The following NAA30 variants were observed in gnomAD, a reference collection of about 807,000 sequenced individuals.
The protein encoded by NAA30 is N-alpha-acetyltransferase 30.
Under a neutral mutation model 31.4 loss-of-function variants are expected in NAA30, and 5 were observed. That is an observed-to-expected ratio of 0.16 (90% CI 0.08 to 0.33). The LOEUF (loss-of-function observed/expected upper bound fraction) is 0.33. Among genes scored for constraint, NAA30 ranks in the 10% least tolerant of loss-of-function variants. The pLI, the probability that NAA30 is intolerant of heterozygous loss-of-function variation, is 1.00. For synonymous variants in NAA30, 222 were observed against 207.1 expected (o/e 1.07, Z -0.62); for missense variants, 428 against 490.8 (o/e 0.87, Z 1.21).
Position 57,396,214 on chromosome 14 carries a change from A to G in NAA30, c.772-538A>G, listed in dbSNP as rs188121193. 3.8e-3 allele frequency among the ~76,000 whole-genome samples: 585 copies of G among 152,268 alleles called. 4 individuals carry two copies. Among genetic ancestry groups the G allele is most frequent in the African/African-American group, 0.013 (550 of 41,558 alleles). ...GATCTCAAACCCCTGAGCTCAAGCA[A>G]TCTGCCTGCGCCTGCCTCCCAAAGT... On this transcript the variant is annotated intron_variant, in intron 2 of 4. Coordinates refer to ENST00000556492, the MANE Select transcript of NAA30 (RefSeq NM_001011713.3).
intron 4 of NAA30, among the ~76,000 whole-genome samples, chr14:57,407,931 A>G (rs1381145109): frequency 6.6e-6 from 1 of 152,120 alleles, no homozygotes; most frequent in Admixed American, 6.5e-5. Context: ...CAGTGCTTGG[A>G]TGCATATAGG....
intron 4 of NAA30, among the ~76,000 whole-genome samples, chr14:57,405,358 T>G (rs1444724466): frequency 6.6e-6 from 1 of 151,708 alleles, no homozygotes; most frequent in East Asian, 1.9e-4. Context: ...AAGGTTACTT[T>G]TTATCTTTTT....
intron 4 of NAA30, among the ~76,000 whole-genome samples, chr14:57,404,125 G>A (rs2066489109): frequency 6.6e-6 from 1 of 152,130 alleles, no homozygotes; most frequent in African/African-American, 2.4e-5. Flanking sequence ...TTCGAGACCA[G>A]CCTGGCCAAT....
intron 4 of NAA30, among the ~76,000 whole-genome samples, chr14:57,401,289 T>C (rs955530295): frequency 7.9e-5 from 12 of 152,314 alleles, no homozygotes; most frequent in East Asian, 1.9e-4. Context: ...AAGTGGTGGT[T>C]ATATGAGAAG....
chr14:57,409,715 T>C lies in NAA30; in HGVS notation c.*199T>C, dbSNP rs967787778. 4 of 447,234 alleles carry C rather than the reference T, an allele frequency of 8.9e-6. No homozygotes were observed. Among genetic ancestry groups the C allele is most frequent in the African/African-American group, 8.1e-5 (4 of 49,320 alleles). 27.7% of individuals were successfully genotyped at this position (447,234 alleles called of 1,614,324 possible). A position where few individuals can be genotyped will look rare whatever the true frequency, so the allele number is the denominator to read the frequency against. On this transcript the variant is annotated 3_prime_UTR_variant, in exon 5 of 5. Coordinates refer to ENST00000556492, the MANE Select transcript of NAA30 (RefSeq NM_001011713.3). ...TCTGAATTAAAAGATTGTTTTAAAC[T>C]TCAGGAGTTCTTTTGGTACCAACAA...
At chr14:57,407,723 G>T (rs1163615913) in intron 4 of NAA30, among the ~76,000 whole-genome samples, 2 of 152,152 alleles carry the variant, frequency 1.3e-5, no homozygotes, top group African/African-American at 2.4e-5. Context: ...TTCTCTTGAG[G>T]ACAAGAGGGA....
rs1386637071 is a variant in NAA30 at position 57,413,532 on chromosome 14, C to T, written c.*4016C>T. The T allele has an allele frequency of 6.6e-6, 1 of 152,470 alleles. No individual in the cohort carries two copies. The highest frequency in any genetic ancestry group is 2.4e-5 in the African/African-American group (1 of 41,454). The allele number at this position is 152,470 out of a possible 1,614,324, so 9.4% of individuals were successfully genotyped here. On this transcript the variant is annotated 3_prime_UTR_variant, in exon 5 of 5. Coordinates refer to ENST00000556492, the MANE Select transcript of NAA30 (RefSeq NM_001011713.3). ...TTTGAGACAGAGTCTCACTCTGTTG[C>T]CCAGGCTGGAGTGCGGTGGCACAAT...
At position 57,391,370 on chromosome 14, in the gene NAA30, C is replaced by T. The variant is rs536219501; in HGVS notation, c.413C>T (p.Pro138Leu). 5.0e-5 allele frequency: 80 copies of T among 1,611,012 alleles called. No homozygotes were observed. The South Asian group carries it at 7.1e-4, about 14-fold the overall frequency. ...KGAGVHSGER[P>L]PHSLSSNART... ...GCCGGGGTACACTCGGGCGAGAGGC[C>T]CCCTCACTCCCTCTCTAGTAATGCA... Residue 138 changes from proline (P) to leucine (L), a missense_variant, in exon 2 of 5, where the codon CCC becomes CTC. Transcript: ENST00000556492. This position sits in a 1 kb window ranked among gnomAD's most constrained non-coding sequence, Gnocchi z 4.1.
chr14:57,411,807 T>C lies in NAA30; in HGVS notation c.*2291T>C, dbSNP rs892826325. The C allele has an allele frequency of 7.2e-5, 11 of 152,192 alleles. No homozygotes were observed. Among genetic ancestry groups the C allele is most frequent in the African/African-American group, 2.7e-4 (11 of 41,462 alleles). 9.4% of individuals were successfully genotyped at this position (152,192 alleles called of 1,614,324 possible). ...TAGCATGAAAACCCAGCACCAACACTGAAAGACTCCATTCAGGTTGAAGTA... is the reference window on the plus strand; with the variant it reads ...TAGCATGAAAACCCAGCACCAACACCGAAAGACTCCATTCAGGTTGAAGTA... On this transcript the variant is annotated 3_prime_UTR_variant, in exon 5 of 5. Coordinates refer to ENST00000556492, the MANE Select transcript of NAA30 (RefSeq NM_001011713.3).
In NAA30 at chr14:57,411,921, G is replaced by A. The variant is rs2066525029; in HGVS notation, c.*2405G>A. 1 of 152,056 alleles carries A rather than the reference G, an allele frequency of 6.6e-6. No individual in the cohort carries two copies. Among genetic ancestry groups the A allele is most frequent in the African/African-American group, 2.4e-5 (1 of 41,408 alleles). The allele number at this position is 152,056 out of a possible 1,614,324, so 9.4% of individuals were successfully genotyped here. A position where few individuals can be genotyped will look rare whatever the true frequency, so the allele number is the denominator to read the frequency against. ...ATTCTATCTGAAATTGGTAGCATGG[G>A]TTCACTTGGCTACAACTGAGCAAAA... On this transcript the variant is annotated 3_prime_UTR_variant, in exon 5 of 5. Coordinates refer to ENST00000556492, the MANE Select transcript of NAA30 (RefSeq NM_001011713.3).
At chr14:57,399,537 G>T (rs922590718) in intron 3 of NAA30, among the ~76,000 whole-genome samples, 1 of 152,118 alleles carries the variant, frequency 6.6e-6, no homozygotes, top group African/African-American at 2.4e-5. Flanking sequence ...CTTTCCTACT[G>T]CTTTCAAACA....
rs185674521 is a variant in NAA30, at chr14:57,391,742, A to C, written c.771+14A>C. ...CTGTGCTTCTTGGTAAGTGGATAGAATAAAAAGAGGGTGAACCCAGCAGTG... is the reference window on the plus strand; with the variant it reads ...CTGTGCTTCTTGGTAAGTGGATAGACTAAAAAGAGGGTGAACCCAGCAGTG... On this transcript the variant is annotated intron_variant, in intron 2 of 4. Coordinates refer to ENST00000556492, the MANE Select transcript of NAA30 (RefSeq NM_001011713.3). This position sits in a 1 kb window ranked among gnomAD's most constrained non-coding sequence, Gnocchi z 4.1. 92 of 1,584,190 alleles carry C rather than the reference A, an allele frequency of 5.8e-5. No individual in the cohort carries two copies. In the African/African-American group the frequency reaches 1.2e-3, roughly 20 times the overall value.
In NAA30 at chr14:57,391,664, C is replaced by T. The variant is rs142316713; in HGVS notation, c.707C>T (p.Ser236Phe). The change falls in exon 2 of 5, where the codon TCC (serine) becomes TTC (phenylalanine). Residue 236 changes from serine (S) to phenylalanine (F), a missense_variant. By Grantham distance (155) the Ser-to-Phe change is radical. Transcript: ENST00000556492. This position sits in a 1 kb window ranked among gnomAD's most constrained non-coding sequence, Gnocchi z 4.1. ...ATGAGACTGATCACCAAAGATCTGT[C>T]CGAACCCTACTCCATTTATACCTAT... ...DIMRLITKDL[S>F]EPYSIYTYRY... is the part of the protein sequence containing the mutation. 1 of 1,614,180 alleles carries T rather than the reference C, an allele frequency of 6.2e-7. No homozygotes were observed. Among genetic ancestry groups the T allele is most frequent in the Non-Finnish European group, 8.5e-7 (1 of 1,180,010 alleles).
chr14:57,391,793 G>A lies in NAA30; in HGVS notation c.771+65G>A. The A allele has an allele frequency of 4.5e-6, 6 of 1,348,090 alleles. No individual in the cohort carries two copies. The South Asian group carries it at 8.2e-5, about 18-fold the overall frequency. 83.5% of individuals were successfully genotyped at this position (1,348,090 alleles called of 1,614,324 possible). On this transcript the variant is annotated intron_variant, in intron 2 of 4. Transcript: ENST00000556492. This position sits in a 1 kb window ranked among gnomAD's most constrained non-coding sequence, Gnocchi z 4.1. Reference sequence around the variant, plus strand: ...ATCGAGACTGTGCGGGGCAGGGAGTGAGGGCCCAGAATGTGGCAGTGGATA... The same window carrying A: ...ATCGAGACTGTGCGGGGCAGGGAGTAAGGGCCCAGAATGTGGCAGTGGATA...
intron 4 of NAA30, among the ~76,000 whole-genome samples, chr14:57,408,523 C>G (rs1357994223): frequency 6.6e-6 from 1 of 152,148 alleles, no homozygotes; most frequent in Non-Finnish European, 1.5e-5. Flanking sequence ...AATGTGGTCC[C>G]TTGACCGCAG....
At position 57,415,275 on chromosome 14, in the gene NAA30, T is replaced by A. The variant is rs1435890752; in HGVS notation, c.*5759T>A. 5 of 152,212 alleles carry A rather than the reference T, an allele frequency of 3.3e-5. No homozygotes were observed. The highest frequency in any genetic ancestry group is 7.3e-5 in the Non-Finnish European group (5 of 68,030). The allele number at this position is 152,212 out of a possible 1,614,324, so 9.4% of individuals were successfully genotyped here. On this transcript the variant is annotated 3_prime_UTR_variant, in exon 5 of 5. Transcript: ENST00000556492. ...GGTCTCCTTGACCGAGGGATTTTAGTATAAGTATTTAGTGAGATTTGTATT... is the reference window on the plus strand; with the variant it reads ...GGTCTCCTTGACCGAGGGATTTTAGAATAAGTATTTAGTGAGATTTGTATT...
At position 57,391,749 on chromosome 14, in the gene NAA30, G is replaced by C; in HGVS notation, c.771+21G>C. The C allele has an allele frequency of 6.3e-7, 1 of 1,576,112 alleles. No homozygotes were observed. The highest frequency in any genetic ancestry group is 8.6e-7 in the Non-Finnish European group (1 of 1,159,050). On this transcript the variant is annotated intron_variant, in intron 2 of 4. Transcript: ENST00000556492. The surrounding 1 kb of genome is among the most constrained non-coding windows in gnomAD (Gnocchi z 4.1). ...TCTTGGTAAGTGGATAGAATAAAAAGAGGGTGAACCCAGCAGTGATCGAGA... is the reference window on the plus strand; with the variant it reads ...TCTTGGTAAGTGGATAGAATAAAAACAGGGTGAACCCAGCAGTGATCGAGA...
At chr14:57,396,658 A>C in intron 2 of NAA30, 94 bp from the exon 3 acceptor site, 1 of 1,382,050 alleles carries the variant, frequency 7.2e-7, no homozygotes, top group Non-Finnish European at 1.0e-6. Context: ...CCCCCGTCGA[A>C]AATGCTTACC....
chr14:57,397,762 T>C (rs1049027528), intron 3 of NAA30, among the ~76,000 whole-genome samples: 1 of 152,150 alleles, frequency 6.6e-6, no homozygotes, highest in Non-Finnish European at 1.5e-5. Context: ...CTGTCTCTAC[T>C]AAAAATACAA....
Sources: gnomAD v4.1 joint callset for allele counts (sites outside exome capture counted in the v4.1 genomes callset) on GRCh38, gnomAD v4.1.1 for gene constraint, Gnocchi (gnomAD v3.1) non-coding constraint, MANE v1.5 for transcripts, NCBI Gene and HGNC (gene_info 2026-07-23, HGNC 2026-07-21) for gene names.